ZDHHC7: variants seen among roughly 807,000 people sequenced by gnomAD.
ZDHHC7 encodes zDHHC palmitoyltransferase 7, also known as palmitoyltransferase ZDHHC7.
Under a neutral mutation model 34.1 loss-of-function variants are expected in ZDHHC7, and 12 were observed. That is an observed-to-expected ratio of 0.35 (90% CI 0.23 to 0.57). ZDHHC7 has a LOEUF of 0.57. Among genes scored for constraint, ZDHHC7 ranks in the 20% least tolerant of loss-of-function variants. The pLI is 0.84. For missense variants in ZDHHC7, 388 were observed against 402.7 expected, an observed-to-expected ratio of 0.96 and a Z score of 0.31; for synonymous variants, 185 against 155.4, an observed-to-expected ratio of 1.19 and a Z score of -1.42.
intron 2 of ZDHHC7, among the ~76,000 whole-genome samples, 159 bp from the exon 3 acceptor site, chr16:84,990,794 A>C (rs183240592): frequency 2.0e-5 from 3 of 152,332 alleles, no homozygotes; most frequent in African/African-American, 4.8e-5. Flanking sequence ...TGAATTTTTA[A>C]ATCTCTGACT....
chr16:84,992,246 G>C (rs983034476), intron 2 of ZDHHC7, among the ~76,000 whole-genome samples: 1 of 151,848 alleles, frequency 6.6e-6, no homozygotes, highest in Non-Finnish European at 1.5e-5. Context: ...GAGGCCGGTG[G>C]ATCACGAGGT....
upstream of ZDHHC7, among the ~76,000 whole-genome samples, chr16:85,015,552 CAAAT>C (rs1341220529): frequency 6.6e-6 from 1 of 152,112 alleles, no homozygotes; most frequent in Non-Finnish European, 1.5e-5. Flanking sequence ...CCAAATATGT[CAAAT>C]AAATATACTT....
At chr16:85,003,199 C>T (rs1044471304) in intron 1 of ZDHHC7, among the ~76,000 whole-genome samples, 1 of 152,012 alleles carries the variant, frequency 6.6e-6, no homozygotes, top group African/African-American at 2.4e-5. Context: ...ACTGAGGGCC[C>T]GAGGAGCCTG....
chr16:84,984,734 G>GA (rs1567495089), intron 3 of ZDHHC7, among the ~76,000 whole-genome samples: 1 of 152,148 alleles, frequency 6.6e-6, no homozygotes, highest in Admixed American at 6.5e-5. Flanking sequence ...GACAATCAGT[G>GA]AAACTCTTCA....
At chr16:84,982,724 C>T (rs1224837075) in intron 3 of ZDHHC7, among the ~76,000 whole-genome samples, 3 of 152,274 alleles carry the variant, frequency 2.0e-5, no homozygotes, top group Non-Finnish European at 4.4e-5. Flanking sequence ...ACCACCTGAC[C>T]CGATTCATGT....
At chr16:85,022,378 G>A in the ZDHHC7 span, among the ~76,000 whole-genome samples, 2 of 151,948 alleles carry the variant, frequency 1.3e-5, no homozygotes, top group African/African-American at 4.8e-5. Context: ...AAAAAAATTA[G>A]CCAGGCATGA....
the ZDHHC7 span, among the ~76,000 whole-genome samples, chr16:85,022,806 C>T: frequency 6.6e-6 from 1 of 152,168 alleles, no homozygotes; most frequent in South Asian, 2.1e-4. Flanking sequence ...AAGAAGATCA[C>T]AACTTCACTA....
Position 84,976,364 on chromosome 16 carries a change from A to G in ZDHHC7, c.906T>C (p.Gly302=), listed in dbSNP as rs7195377. 889,080 of 1,613,506 alleles carry G rather than the reference A, an allele frequency of 0.55. 252,936 individuals are homozygous for G. The highest frequency in any genetic ancestry group is 0.9 in the African/African-American group (67,105 of 74,956). Residue 302 remains glycine, a synonymous_variant, in exon 8 of 8, where the codon GGT becomes GGC. Transcript: ENST00000313732. The stretch of plus-strand genomic sequence containing the variant: ...CGCCTCACACTGAGAACTCCGGGCC[A>G]CCTTTTCTGGGTCTCGTGGGCAGTC... The part of the protein sequence containing the change: ...FRRLPTRPRK[G]GPEFSV
chr16:84,998,751 T>A (rs1386516192), intron 1 of ZDHHC7, among the ~76,000 whole-genome samples: 18 of 96,036 alleles, frequency 1.9e-4, no homozygotes, highest in Non-Finnish European at 2.3e-4. Flanking sequence ...TTCTGAACCT[T>A]TTTTTTTTTT....
chr16:85,003,607 A>G (rs1263187688), intron 1 of ZDHHC7, among the ~76,000 whole-genome samples: 1 of 152,230 alleles, frequency 6.6e-6, no homozygotes, highest in Non-Finnish European at 1.5e-5. Context: ...TTTAAGGAAA[A>G]AAAAAATCCA....
At chr16:85,016,602 C>T in the ZDHHC7 span, among the ~76,000 whole-genome samples, 3 of 151,002 alleles carry the variant, frequency 2.0e-5, no homozygotes, top group African/African-American at 4.9e-5. Flanking sequence ...TTACAGCTGC[C>T]GGCCACCACA....
chr16:84,999,229 A>C (rs1196915459), intron 1 of ZDHHC7, among the ~76,000 whole-genome samples: 1 of 152,228 alleles, frequency 6.6e-6, no homozygotes, highest in Admixed American at 6.5e-5. Flanking sequence ...TCAGGTCTAC[A>C]CCAGATTTTC....
At chr16:84,992,806 A>G (rs2072528409) in intron 2 of ZDHHC7, among the ~76,000 whole-genome samples, 1 of 152,216 alleles carries the variant, frequency 6.6e-6, no homozygotes, top group Non-Finnish European at 1.5e-5. Context: ...GAGTAACAGC[A>G]CTGGGTGCTG....
chr16:84,984,930 C>T (rs932483989), intron 3 of ZDHHC7, among the ~76,000 whole-genome samples: 6 of 152,194 alleles, frequency 3.9e-5, no homozygotes, highest in African/African-American at 1.2e-4. Flanking sequence ...ACGATGACAG[C>T]GGCAGGGGCT....
the ZDHHC7 span, among the ~76,000 whole-genome samples, chr16:85,025,734 T>C: frequency 6.6e-6 from 1 of 152,190 alleles, no homozygotes; most frequent in Admixed American, 6.5e-5. Context: ...CCAGTTTGAA[T>C]TGAGTTTCCA....
rs369637712 is a variant in ZDHHC7, at chr16:84,990,430, G to C, written c.189C>G (p.Phe63Leu). The stretch of plus-strand genomic sequence containing the variant: ...GCAGCAGCATGACGAAAGTCACCAC[G>C]AAGTCTGCATAGGCGACCAGAAGCC... Reference protein sequence around the residue: ...MTWLLVAYADFVVTFVMLLPS... With the variant: ...MTWLLVAYADLVVTFVMLLPS... The change falls in exon 3 of 8, where the codon TTC becomes TTG. Residue 63 changes from phenylalanine (F) to leucine (L), a missense_variant. Physicochemically the swap from Phe to Leu is conservative, Grantham distance 22. Coordinates refer to ENST00000313732, the MANE Select transcript of ZDHHC7 (RefSeq NM_017740.3). The C allele has an allele frequency of 6.2e-7, 1 of 1,614,004 alleles. No individual in the cohort carries two copies. Among genetic ancestry groups the C allele is most frequent in the Non-Finnish European group, 8.5e-7 (1 of 1,180,024 alleles).
chr16:84,989,081 A>G (rs991728587), intron 3 of ZDHHC7, among the ~76,000 whole-genome samples: 6 of 152,242 alleles, frequency 3.9e-5, no homozygotes, highest in African/African-American at 1.2e-4. Context: ...ATGACAAGAC[A>G]GGCTTTAATT....
chr16:85,016,834 C>T, the ZDHHC7 span, among the ~76,000 whole-genome samples: 3 of 152,094 alleles, frequency 2.0e-5, no homozygotes, highest in Admixed American at 2.0e-4. Flanking sequence ...TCATCTGTTT[C>T]TCAACGGAAG....
the ZDHHC7 span, among the ~76,000 whole-genome samples, chr16:85,025,768 G>A: frequency 1.3e-5 from 2 of 152,186 alleles, no homozygotes; most frequent in Non-Finnish European, 1.5e-5. Context: ...AAGAATACTG[G>A]GAAATATACC....
Sources: allele counts gnomAD v4.1 joint callset (sites outside exome capture counted in the v4.1 genomes callset), GRCh38; gene constraint gnomAD v4.1.1; transcripts MANE v1.5; gene names NCBI Gene and HGNC (gene_info 2026-07-23, HGNC 2026-07-21).